TIE1: variants seen among roughly 807,000 people sequenced by gnomAD.
The protein encoded by TIE1 is tyrosine-protein kinase receptor Tie-1.
Under a neutral mutation model 130.5 loss-of-function variants are expected in TIE1, and 89 were observed. The observed-to-expected ratio is 0.68, with a 90% CI of 0.57 to 0.81. The LOEUF is 0.81. Ranked by LOEUF, TIE1 falls within the 40% of genes least tolerant of loss-of-function variation. The probability of loss-of-function intolerance (pLI) is 0.00; values close to 1 mark genes in which losing one functional copy is unlikely to be tolerated. For missense variants in TIE1, 1,392 were observed against 1,559.8 expected (o/e 0.89, Z 1.81); for synonymous variants, 568 against 629.4 (o/e 0.90, Z 1.46).
Position 43,317,354 on chromosome 1 carries a change from G to A in TIE1, c.2565G>A (p.Arg855=). The A allele has an allele frequency of 6.2e-7, 1 of 1,614,026 alleles. No individual in the cohort carries two copies. Among genetic ancestry groups the A allele is most frequent in the African/African-American group, 1.3e-5 (1 of 74,988 alleles). ...AGGGGAACTTCGGCCAGGTCATCCG[G>A]GCCATGATCAAGAAGGACGGGCTGA... ...IGEGNFGQVI[R]AMIKKDGLKM... The change falls in exon 15 of 23, where the codon CGG becomes CGA. Residue 855 remains arginine, a synonymous_variant. Coordinates refer to ENST00000372476, the MANE Select transcript of TIE1 (RefSeq NM_005424.5). The surrounding 1 kb of genome is among the most constrained non-coding windows in gnomAD (Gnocchi z 5.1).
At chr1:43,302,049 T>C (rs1557438207) in intron 1 of TIE1, among the ~76,000 whole-genome samples, 2 of 151,732 alleles carry the variant, frequency 1.3e-5, no homozygotes, top group South Asian at 4.2e-4. Context: ...GAGTGAGGAG[T>C]AGCCGCTGAC....
chr1:43,319,868 C>G lies in TIE1; in HGVS notation c.3107+339C>G. ...TCAGGAATTGCTCTCATCTTCCTCC[C>G]TGAAGGGCAAGGTCATGCCCACCTG... On this transcript the variant is annotated intron_variant, in intron 19 of 22. Coordinates refer to ENST00000372476, the MANE Select transcript of TIE1 (RefSeq NM_005424.5). The surrounding 1 kb of genome is among the most constrained non-coding windows in gnomAD (Gnocchi z 4.7). 2.9e-6 allele frequency: 1 copy of G among 345,810 alleles called. No homozygotes were observed. 21.4% of individuals were successfully genotyped at this position (345,810 alleles called of 1,614,324 possible).
Position 43,307,215 on chromosome 1 carries a change from C to A in TIE1, c.714C>A (p.His238Gln). 1 of 1,614,124 alleles carries A rather than the reference C, an allele frequency of 6.2e-7. No homozygotes were observed. Among genetic ancestry groups the A allele is most frequent in the South Asian group, 1.1e-5 (1 of 91,082 alleles). ...GTTGCCTACATGGAGGTGTCTGCCA[C>A]GACCATGACGGCGAATGTGTATGCC... ...CPGCLHGGVC[H>Q]DHDGECVCPP... is the part of the protein sequence containing the mutation. The change falls in exon 5 of 23, where the codon CAC becomes CAA. Residue 238 changes from histidine (H) to glutamine (Q), a missense_variant. By Grantham distance (24) the His-to-Gln change is conservative (BLOSUM62 0). Transcript: ENST00000372476. The surrounding 1 kb of genome is among the most constrained non-coding windows in gnomAD (Gnocchi z 5.4).
At position 43,305,056 on chromosome 1, in the gene TIE1, C is replaced by G. The variant is rs1477655233; in HGVS notation, c.264C>G (p.Val88=). ...TGGCGCGCAACGGTTCGCACCAGGT[C>G]ACGCTTCGCGGCTTCTCCAAGCCCT... ...LRLARNGSHQ[V]TLRGFSKPSD... The change falls in exon 2 of 23, where the codon GTC becomes GTG. Residue 88 remains valine, a synonymous_variant. Coordinates refer to ENST00000372476, the MANE Select transcript of TIE1 (RefSeq NM_005424.5). 3 of 1,606,904 alleles carry G rather than the reference C, an allele frequency of 1.9e-6. No homozygotes were observed. The highest frequency in any genetic ancestry group is 2.6e-6 in the Non-Finnish European group (3 of 1,176,002).
At position 43,317,251 on chromosome 1, in the gene TIE1, G is replaced by C. The variant is rs759871396; in HGVS notation, c.2462G>C (p.Arg821Pro). Residue 821 changes from arginine to proline, a missense_variant, in exon 15 of 23, where the codon CGG (arginine) becomes CCG (proline). Arg to Pro is a moderately radical substitution (Grantham distance 103, BLOSUM62 -2). Around this residue, in one of 6 missense-constraint regions of TIE1, gnomAD observed 286 missense variants for 354.4 expected, o/e 0.81. Transcript: ENST00000372476. The surrounding 1 kb of genome is among the most constrained non-coding windows in gnomAD (Gnocchi z 5.1). ...FSSGTLTLTR[R>P]PKLQPEPLSY... ...TCAGGGACCTTGACACTTACCCGGCGGCCAAAACTGCAGCCCGAGCCCCTG... is the reference window on the plus strand; with the variant it reads ...TCAGGGACCTTGACACTTACCCGGCCGCCAAAACTGCAGCCCGAGCCCCTG... The C allele has an allele frequency of 1.2e-6, 2 of 1,614,010 alleles. No individual in the cohort carries two copies. The highest frequency in any genetic ancestry group is 1.7e-6 in the Non-Finnish European group (2 of 1,180,042).
chr1:43,313,763 T>C lies in TIE1; in HGVS notation c.2219-15T>C, dbSNP rs773291489. The C allele has an allele frequency of 1.9e-6, 3 of 1,603,412 alleles. No individual in the cohort carries two copies. In the East Asian group the frequency reaches 6.7e-5, roughly 36 times the overall value. On this transcript the variant is annotated splice_polypyrimidine_tract_variant and intron_variant, in intron 13 of 22. Coordinates refer to ENST00000372476, the MANE Select transcript of TIE1 (RefSeq NM_005424.5). This position sits in a 1 kb window ranked among gnomAD's most constrained non-coding sequence, Gnocchi z 6.2. ...CCCAGGTGTCCCCACAATCTGCCCCTCTCACTGTGTCCAGGGCTGCAGGCT... is the reference window on the plus strand; with the variant it reads ...CCCAGGTGTCCCCACAATCTGCCCCCCTCACTGTGTCCAGGGCTGCAGGCT...
chr1:43,305,771 C>A (rs1646722813), intron 3 of TIE1, among the ~76,000 whole-genome samples: 1 of 152,220 alleles, frequency 6.6e-6, no homozygotes, highest in African/African-American at 2.4e-5. Context: ...ATCCTTGATG[C>A]CCAAGACAGC....
In TIE1 at chr1:43,304,904, C is replaced by A; in HGVS notation, c.112C>A (p.Arg38Ser). Residue 38 changes from arginine (R) to serine (S), a missense_variant, in exon 2 of 23, where the codon CGC becomes AGC. By Grantham distance (110) the Arg-to-Ser change is moderately radical. Coordinates refer to ENST00000372476, the MANE Select transcript of TIE1 (RefSeq NM_005424.5). ...CAACCTGCGGCTCACGGACCCCCAG[C>A]GCTTCTTCCTGACTTGCGTGTCTGG... ...LANLRLTDPQRFFLTCVSGEA... is the reference protein window; with the variant it reads ...LANLRLTDPQSFFLTCVSGEA... 7.0e-7 allele frequency: 1 copy of A among 1,433,368 alleles called. No individual in the cohort carries two copies. The highest frequency in any genetic ancestry group is 9.1e-7 in the Non-Finnish European group (1 of 1,099,542). The allele number at this position is 1,433,368 out of a possible 1,614,324, so 88.8% of individuals were successfully genotyped here. A position where few individuals can be genotyped will look rare whatever the true frequency, so the allele number is the denominator to read the frequency against.
Position 43,318,380 on chromosome 1 carries a change from A to G in TIE1, c.2922+308A>G, listed in dbSNP as rs565549915. Among the ~76,000 whole-genome samples, 4 of 152,116 alleles carry G rather than the reference A, an allele frequency of 2.6e-5. No individual in the cohort carries two copies. The highest frequency in any genetic ancestry group is 6.5e-5 in the Admixed American group (1 of 15,284). On this transcript the variant is annotated intron_variant, in intron 17 of 22. Coordinates refer to ENST00000372476, the MANE Select transcript of TIE1 (RefSeq NM_005424.5). This position sits in a 1 kb window ranked among gnomAD's most constrained non-coding sequence, Gnocchi z 4.4. ...ACCCCACAGATGGTGCCTAATGGCA[A>G]TGGGCCTGGTGCGATCTGCCGGAGA...
intron 19 of TIE1, chr1:43,320,472 A>T (rs562014078): frequency 6.6e-6 from 1 of 152,324 alleles, no homozygotes; most frequent in East Asian, 1.9e-4. Context: ...TAATCCCAGC[A>T]CTTTGGGAGG....
In TIE1 at chr1:43,304,991, GACCGTATC is replaced by G; in HGVS notation, c.200_207del (p.Asp67GlyfsTer71). ...CCCGCCCCTGCTGCTGGAGAAGGAC[GACCGTATC>G]GTGCGCACCCCGCCCGGGCCACCCC... is the stretch of plus-strand genomic sequence containing the variant. On this transcript the variant is annotated frameshift_variant, in exon 2 of 23. Coordinates refer to ENST00000372476, the MANE Select transcript of TIE1 (RefSeq NM_005424.5). LOFTEE classifies it high-confidence loss of function. The G allele has an allele frequency of 6.6e-7, 1 of 1,506,826 alleles. No homozygotes were observed. The allele number at this position is 1,506,826 out of a possible 1,614,324, so 93.3% of individuals were successfully genotyped here.
intron 7 of TIE1, chr1:43,308,748 G>C: frequency 1.6e-6 from 1 of 619,852 alleles, no homozygotes; most frequent in Non-Finnish European, 3.0e-6. Context: ...ATGGTGAGGG[G>C]TCTGCTGGCA....
In TIE1 at chr1:43,314,116, G is replaced by A. The variant is rs754836186; in HGVS notation, c.2409+148G>A. ...TAAGATTACACTCAACAATGTTCAA[G>A]GGTACAAAATATAATTTTCTTTATT... is the stretch of plus-strand genomic sequence containing the variant. On this transcript the variant is annotated intron_variant, in intron 14 of 22. Coordinates refer to ENST00000372476, the MANE Select transcript of TIE1 (RefSeq NM_005424.5). 19 of 945,100 alleles carry A rather than the reference G, an allele frequency of 2.0e-5. 1 individual carries two copies. The South Asian group carries it at 2.5e-4, about 13-fold the overall frequency. The allele number at this position is 945,100 out of a possible 1,614,324, so 58.5% of individuals were successfully genotyped here. A position where few individuals can be genotyped will look rare whatever the true frequency, so the allele number is the denominator to read the frequency against.
At position 43,313,745 on chromosome 1, in the gene TIE1, G is replaced by T; in HGVS notation, c.2219-33G>T. On this transcript the variant is annotated intron_variant, in intron 13 of 22. Coordinates refer to ENST00000372476, the MANE Select transcript of TIE1 (RefSeq NM_005424.5). The surrounding 1 kb of genome is among the most constrained non-coding windows in gnomAD (Gnocchi z 6.2). ...GGCCTCTGGGTTCCCTGACCCAGGTGTCCCCACAATCTGCCCCTCTCACTG... is the reference window on the plus strand; with the variant it reads ...GGCCTCTGGGTTCCCTGACCCAGGTTTCCCCACAATCTGCCCCTCTCACTG... 6.3e-7 allele frequency: 1 copy of T among 1,585,410 alleles called. No homozygotes were observed. Among genetic ancestry groups the T allele is most frequent in the Admixed American group, 1.7e-5 (1 of 57,754 alleles).
chr1:43,307,733 C>T lies in TIE1; in HGVS notation c.914-63C>T, dbSNP rs554193487. 267 of 1,607,088 alleles carry T rather than the reference C, an allele frequency of 1.7e-4. No individual in the cohort carries two copies. The highest frequency in any genetic ancestry group is 2.2e-4 in the Non-Finnish European group (255 of 1,175,196). ...GTATAACCTGTGCCCCATCTGCGCC[C>T]TCATCTGTGCCCTCATTGCCCCCTG... On this transcript the variant is annotated intron_variant, in intron 6 of 22. Coordinates refer to ENST00000372476, the MANE Select transcript of TIE1 (RefSeq NM_005424.5). This position sits in a 1 kb window ranked among gnomAD's most constrained non-coding sequence, Gnocchi z 5.4.
rs976874987 is a variant in TIE1 at position 43,312,216 on chromosome 1, G to A, written c.1630+85G>A. 1.3e-6 allele frequency: 2 copies of A among 1,513,942 alleles called. No individual in the cohort carries two copies. Among genetic ancestry groups the A allele is most frequent in the South Asian group, 1.3e-5 (1 of 74,476 alleles). 93.8% of individuals were successfully genotyped at this position (1,513,942 alleles called of 1,614,324 possible). On this transcript the variant is annotated intron_variant, in intron 11 of 22. Transcript: ENST00000372476. This position sits in a 1 kb window ranked among gnomAD's most constrained non-coding sequence, Gnocchi z 5.6. The stretch of plus-strand genomic sequence containing the variant: ...AGGGACCCCTGCCTTTCCCACTGGA[G>A]GTTGTTCTTCCTTGTTCACTGGGGA...
rs543661590 is a variant in TIE1 at position 43,316,927 on chromosome 1, C to T, written c.2410-272C>T. 7.2e-5 allele frequency among the ~76,000 whole-genome samples: 11 copies of T among 152,294 alleles called. No homozygotes were observed. The South Asian group carries it at 1.0e-3, about 14-fold the overall frequency. On this transcript the variant is annotated intron_variant, in intron 14 of 22. Transcript: ENST00000372476. This position sits in a 1 kb window ranked among gnomAD's most constrained non-coding sequence, Gnocchi z 4.4. ...GCCCTGGTTCTGCCTTCCAGAGTCCCGTACACTAGATCCCCTGGCTGCAGC... is the reference window on the plus strand; with the variant it reads ...GCCCTGGTTCTGCCTTCCAGAGTCCTGTACACTAGATCCCCTGGCTGCAGC...
Position 43,318,885 on chromosome 1 carries a change from G to A in TIE1, c.2923-350G>A, listed in dbSNP as rs1306440272. Among the ~76,000 whole-genome samples the A allele has an allele frequency of 1.3e-5, 2 of 152,098 alleles. No individual in the cohort carries two copies. The highest frequency in any genetic ancestry group is 2.9e-5 in the Non-Finnish European group (2 of 68,014). ...GGGGCCAGTGCAGAGGGAGGGGCTG[G>A]TGGAGAGAGGTCTCTGGGGAAGCTG... On this transcript the variant is annotated intron_variant, in intron 17 of 22. Coordinates refer to ENST00000372476, the MANE Select transcript of TIE1 (RefSeq NM_005424.5). The surrounding 1 kb of genome is among the most constrained non-coding windows in gnomAD (Gnocchi z 4.4).
At position 43,312,310 on chromosome 1, in the gene TIE1, T is replaced by C. The variant is rs777475739; in HGVS notation, c.1636T>C (p.Leu546=). The C allele has an allele frequency of 6.5e-7, 1 of 1,548,008 alleles. No homozygotes were observed. The highest frequency in any genetic ancestry group is 8.7e-7 in the Non-Finnish European group (1 of 1,144,966). ...CCCCTGACCTCTGGCCCCAGAGCCT[T>C]TGTTGCAGCCGTGGTTGGAGGGCTG... ...TLMTTDCPEP[L]LQPWLEGWHV... Residue 546 remains leucine, a synonymous_variant, in exon 12 of 23, where the codon TTG becomes CTG. Transcript: ENST00000372476. The surrounding 1 kb of genome is among the most constrained non-coding windows in gnomAD (Gnocchi z 5.6).
Sources: allele counts gnomAD v4.1 joint callset (sites outside exome capture counted in the v4.1 genomes callset), GRCh38; gene constraint gnomAD v4.1.1; regional missense constraint gnomAD v4.1.1; non-coding constraint Gnocchi (gnomAD v3.1); transcripts MANE v1.5; gene names NCBI Gene and HGNC (gene_info 2026-07-23, HGNC 2026-07-21).